Variants in TMEM108 observed in about 807,000 individuals in gnomAD.
TMEM108 encodes the protein transmembrane protein 108.
In TMEM108, 12 loss-of-function variants were observed where a neutral mutation model predicts 35.1. The observed-to-expected ratio is 0.34, with a 90% CI of 0.22 to 0.55. TMEM108 has a LOEUF of 0.55. Among genes scored for constraint, TMEM108 ranks in the 20% least tolerant of loss-of-function variants. The pLI is 0.89. For missense variants in TMEM108, 680 were observed against 753.3 expected (o/e 0.90, Z 1.14); for synonymous variants, 287 against 308.6 (o/e 0.93, Z 0.73).
chr3:133,244,943 G>A (rs1003213258), intron 3 of TMEM108, among the ~76,000 whole-genome samples: 1 of 152,198 alleles, frequency 6.6e-6, no homozygotes, highest in African/African-American at 2.4e-5. Context: ...TTGGCTAGAT[G>A]TCATGTAATT....
intron 2 of TMEM108, among the ~76,000 whole-genome samples, chr3:133,121,246 A>G (rs1944349004): frequency 6.6e-6 from 1 of 152,256 alleles, no homozygotes; most frequent in Non-Finnish European, 1.5e-5. Flanking sequence ...ATTTGGAATC[A>G]TGGGGACCTG....
intron 2 of TMEM108, among the ~76,000 whole-genome samples, chr3:133,077,141 G>A (rs1308642274): frequency 2.0e-5 from 3 of 152,218 alleles, no homozygotes; most frequent in Admixed American, 6.5e-5. Flanking sequence ...CAGACAAAGG[G>A]CAAGAGAAGT....
At chr3:133,329,785 CA>C (rs2071373195) in intron 3 of TMEM108, among the ~76,000 whole-genome samples, 1 of 152,108 alleles carries the variant, frequency 6.6e-6, no homozygotes, top group African/African-American at 2.4e-5. Context: ...AGCCTTCACC[CA>C]AAATTGCACT....
intron 2 of TMEM108, among the ~76,000 whole-genome samples, chr3:133,171,178 G>A (rs1945125278): frequency 6.6e-6 from 1 of 152,068 alleles, no homozygotes. Flanking sequence ...ATTATAGTTT[G>A]TCTACCCATA....
intron 2 of TMEM108, among the ~76,000 whole-genome samples, chr3:133,192,564 A>T (rs192015735): frequency 2.4e-4 from 36 of 152,276 alleles, no homozygotes; most frequent in African/African-American, 8.2e-4. Context: ...GGAGAAATGC[A>T]TCAGGAAAGT....
At chr3:133,100,654 A>G (rs1251840972) in intron 2 of TMEM108, among the ~76,000 whole-genome samples, 1 of 152,192 alleles carries the variant, frequency 6.6e-6, no homozygotes, top group Non-Finnish European at 1.5e-5. Context: ...GGATTTGTTC[A>G]ATACCTCCAA....
At chr3:133,042,652 C>T (rs971317499) in intron 1 of TMEM108, among the ~76,000 whole-genome samples, 8 of 152,120 alleles carry the variant, frequency 5.3e-5, no homozygotes, top group African/African-American at 1.9e-4. Context: ...TGTGCATTAC[C>T]TTAGGATCCT....
At chr3:133,070,828 C>A (rs941498707) in intron 2 of TMEM108, among the ~76,000 whole-genome samples, 1 of 151,626 alleles carries the variant, frequency 6.6e-6, no homozygotes, top group Non-Finnish European at 1.5e-5. Context: ...AAAAAAGAAT[C>A]GCATTCTGAG....
chr3:133,187,657 G>A (rs986027927), intron 2 of TMEM108, among the ~76,000 whole-genome samples: 6 of 152,082 alleles, frequency 3.9e-5, no homozygotes, highest in Non-Finnish European at 8.8e-5. Flanking sequence ...GGCTGAGGTA[G>A]GAGAACTGCT....
chr3:133,199,726 G>A (rs1047246329), intron 2 of TMEM108, among the ~76,000 whole-genome samples: 1 of 152,088 alleles, frequency 6.6e-6, no homozygotes, highest in Non-Finnish European at 1.5e-5. Context: ...TACCCCACTT[G>A]AGGAGGCAGT....
At chr3:133,150,983 T>G (rs1944791660) in intron 2 of TMEM108, among the ~76,000 whole-genome samples, 1 of 152,182 alleles carries the variant, frequency 6.6e-6, no homozygotes, top group African/African-American at 2.4e-5. Flanking sequence ...AGTATATGAG[T>G]AATGAGTTTC....
At chr3:133,284,331 G>A (rs138837545) in intron 3 of TMEM108, among the ~76,000 whole-genome samples, 8 of 152,286 alleles carry the variant, frequency 5.3e-5, no homozygotes, top group African/African-American at 1.9e-4. Flanking sequence ...ACCCTCTGTT[G>A]AAAGTCTCAT....
At chr3:133,142,369 G>A (rs575173018) in intron 2 of TMEM108, among the ~76,000 whole-genome samples, 19 of 152,312 alleles carry the variant, frequency 1.2e-4, no homozygotes, top group Admixed American at 2.0e-4. Flanking sequence ...GCCAGGGATA[G>A]AAACAGCATT....
Position 133,332,051 on chromosome 3 carries a change from C to G in TMEM108, c.41-47701C>G, listed in dbSNP as rs188717649. Among the ~76,000 whole-genome samples, 6 of 151,120 alleles carry G rather than the reference C, an allele frequency of 4.0e-5. No individual in the cohort carries two copies. In the East Asian group the frequency reaches 1.2e-3, roughly 30 times the overall value. ...TGTTGGTTGGAAGAAAACTTGTGCACATGTGTGCTTGTGCGCGTGCGTGCG... is the reference window on the plus strand; with the variant it reads ...TGTTGGTTGGAAGAAAACTTGTGCAGATGTGTGCTTGTGCGCGTGCGTGCG... On this transcript the variant is annotated intron_variant, in intron 3 of 5. Transcript: ENST00000321871.
chr3:133,101,289 A>T (rs1576318831), intron 2 of TMEM108, among the ~76,000 whole-genome samples: 1 of 152,178 alleles, frequency 6.6e-6, no homozygotes, highest in South Asian at 2.1e-4. Context: ...CAGGCGTTTT[A>T]CTCTACAAAT....
chr3:133,390,321 T>G lies in TMEM108; in HGVS notation c.1592T>G (p.Leu531Arg), dbSNP rs1288692887. ...GAGCTGCCCAGGGAGATCCAGTCCCTTGAAACCTCTGAGGTAATGAGCTTG... is the reference window on the plus strand; with the variant it reads ...GAGCTGCCCAGGGAGATCCAGTCCCGTGAAACCTCTGAGGTAATGAGCTTG... ...AVELPREIQS[L>R]ETSEDQLSEP... The change falls in exon 5 of 6, where the codon CTT (leucine) becomes CGT (arginine). Residue 531 changes from leucine (L) to arginine (R), a missense_variant. This residue lies in a region of TMEM108 where 105 missense variants were observed against 150.7 expected (regional missense o/e 0.70). Transcript: ENST00000321871. The G allele has an allele frequency of 6.2e-7, 1 of 1,614,146 alleles. No individual in the cohort carries two copies. Among genetic ancestry groups the G allele is most frequent in the Admixed American group, 1.7e-5 (1 of 60,024 alleles).
chr3:133,301,190 C>G (rs1391041235), intron 3 of TMEM108, among the ~76,000 whole-genome samples: 1 of 152,122 alleles, frequency 6.6e-6, no homozygotes, highest in Non-Finnish European at 1.5e-5. Flanking sequence ...GCAGTCAGTT[C>G]TAATGCCAAG....
At chr3:133,049,651 A>G (rs1276881184) in intron 2 of TMEM108, among the ~76,000 whole-genome samples, 1 of 152,164 alleles carries the variant, frequency 6.6e-6, no homozygotes, top group Non-Finnish European at 1.5e-5. Context: ...CATCTCTGAC[A>G]TAATCAAATC....
At chr3:133,375,871 G>A (rs2072820558) in intron 3 of TMEM108, among the ~76,000 whole-genome samples, 4 of 152,194 alleles carry the variant, frequency 2.6e-5, no homozygotes, top group Admixed American at 2.6e-4. Context: ...TGTGAAATGA[G>A]GGGATTGGAT....
Sources: allele counts gnomAD v4.1 joint callset (sites outside exome capture counted in the v4.1 genomes callset), GRCh38; gene constraint gnomAD v4.1.1; regional missense constraint gnomAD v4.1.1; transcripts MANE v1.5; gene names NCBI Gene and HGNC (gene_info 2026-07-23, HGNC 2026-07-21).